The following MOCOS variants were observed in gnomAD, a reference collection of about 807,000 sequenced individuals.
The protein encoded by MOCOS is human molybdenum cofactor sulfurase.
In MOCOS, 86 loss-of-function variants were observed where a neutral mutation model predicts 83.6. The ratio of observed to expected loss-of-function variants is 1.03; its 90% CI spans 0.86 to 1.23. MOCOS has a LOEUF of 1.23. MOCOS is among the 50% of genes most tolerant of loss of function. The probability of loss-of-function intolerance (pLI) is 0.00; values close to 1 mark genes in which losing one functional copy is unlikely to be tolerated. For synonymous variants in MOCOS, 445 were observed against 434.7 expected, an observed-to-expected ratio of 1.02 and a Z score of -0.29; for missense variants, 1,120 against 1,126.9, an observed-to-expected ratio of 0.99 and a Z score of 0.09.
At chr18:36,264,551 G>T (rs1040800405) in intron 13 of MOCOS, among the ~76,000 whole-genome samples, 1 of 152,130 alleles carries the variant, frequency 6.6e-6, no homozygotes, top group African/African-American at 2.4e-5. Context: ...GCCAGGCCTG[G>T]GCTTGAGTCC....
chr18:36,251,665 G>A (rs1568066791), intron 11 of MOCOS, among the ~76,000 whole-genome samples: 1 of 152,164 alleles, frequency 6.6e-6, no homozygotes, highest in Non-Finnish European at 1.5e-5. Context: ...CCAATCAATG[G>A]CGTGACCTTG....
intron 6 of MOCOS, among the ~76,000 whole-genome samples, chr18:36,207,401 A>G (rs1389580948): frequency 6.6e-6 from 1 of 152,160 alleles, no homozygotes; most frequent in Non-Finnish European, 1.5e-5. Context: ...GGCTAAGCTA[A>G]TTTACATTCC....
chr18:36,213,463 T>A lies in MOCOS; in HGVS notation c.1316T>A (p.Met439Lys). The A allele has an allele frequency of 6.2e-7, 1 of 1,613,722 alleles. No homozygotes were observed. Among genetic ancestry groups the A allele is most frequent in the South Asian group, 1.1e-5 (1 of 91,062 alleles). Residue 439 changes from methionine to lysine, a missense_variant, in exon 7 of 15, where the codon ATG (methionine) becomes AAG (lysine). Coordinates refer to ENST00000261326, the MANE Select transcript of MOCOS (RefSeq NM_017947.4). ...AGGCACCTGGGCATAAGCAACGAGA[T>A]GGTCAGGAAGCATTTTCAGGTTGGT... is the stretch of plus-strand genomic sequence containing the variant. ...CQRHLGISNE[M>K]VRKHFQAGHV...
intron 9 of MOCOS, among the ~76,000 whole-genome samples, chr18:36,223,939 C>T (rs1568057773): frequency 6.6e-6 from 1 of 152,194 alleles, no homozygotes; most frequent in Non-Finnish European, 1.5e-5. Context: ...TCAAGCAATC[C>T]TCCTGCTTCA....
Position 36,215,592 on chromosome 18 carries a change from A to G in MOCOS, c.1412A>G (p.Tyr471Cys). Residue 471 changes from tyrosine to cysteine, a missense_variant, in exon 8 of 15, where the codon TAC becomes TGC. Physicochemically the swap from Tyr to Cys is radical, Grantham distance 194 (BLOSUM62 -2). Transcript: ENST00000261326. ...GGATCTGTGAGGATTTCATTTGGAT[A>G]CATGTCGACGCTGGATGATGTCCAG... ...PTGSVRISFG[Y>C]MSTLDDVQAF... The G allele has an allele frequency of 6.2e-7, 1 of 1,614,182 alleles. No individual in the cohort carries two copies. The highest frequency in any genetic ancestry group is 8.5e-7 in the Non-Finnish European group (1 of 1,180,038).
intron 9 of MOCOS, among the ~76,000 whole-genome samples, chr18:36,248,028 A>G (rs1177164793): frequency 6.6e-6 from 1 of 152,118 alleles, no homozygotes; most frequent in African/African-American, 2.4e-5. Flanking sequence ...GAACCTCAGT[A>G]GTGTTTTCCA....
intron 14 of MOCOS, among the ~76,000 whole-genome samples, chr18:36,267,621 C>G (rs983134668): frequency 6.6e-6 from 1 of 152,102 alleles, no homozygotes; most frequent in Non-Finnish European, 1.5e-5. Context: ...ATAGAAATGG[C>G]CTGCAGAGTA....
At chr18:36,196,053 C>T (rs1334219244) in intron 2 of MOCOS, among the ~76,000 whole-genome samples, 1 of 152,150 alleles carries the variant, frequency 6.6e-6, no homozygotes, top group East Asian at 1.9e-4. Context: ...TTTCAGGAAC[C>T]AGTCCAGGAA....
chr18:36,211,673 AGG>A, intron 6 of MOCOS, among the ~76,000 whole-genome samples: 1 of 152,088 alleles, frequency 6.6e-6, no homozygotes, highest in Non-Finnish European at 1.5e-5. Context: ...CCCAGGGCTG[AGG>A]GCAAGAAGAG....
chr18:36,208,642 T>G (rs2091443077), intron 6 of MOCOS, among the ~76,000 whole-genome samples: 2 of 152,258 alleles, frequency 1.3e-5, no homozygotes, highest in South Asian at 4.1e-4. Context: ...GCATTGATTT[T>G]GTATCCTGAA....
chr18:36,200,473 G>C, intron 4 of MOCOS, 149 bp downstream of exon 4: 1 of 1,012,616 alleles, frequency 9.9e-7, no homozygotes. Flanking sequence ...GCAGGGCTCA[G>C]ATCTGGGAGG....
chr18:36,268,665 C>G lies in MOCOS; in HGVS notation c.2647C>G (p.His883Asp), dbSNP rs781288773. 1 of 1,611,944 alleles carries G rather than the reference C, an allele frequency of 6.2e-7. No individual in the cohort carries two copies. The highest frequency in any genetic ancestry group is 1.1e-5 in the South Asian group (1 of 90,970). Residue 883 changes from histidine (H) to aspartate (D), a missense_variant, in exon 15 of 15, where the codon CAC becomes GAC. Transcript: ENST00000261326. The part of the protein sequence containing the change: ...EGHDLPASEK[H>D]QDVTS Reference sequence around the variant, plus strand: ...TCATGATTTACCTGCATCTGAGAAACACCAGGATGTTACCTCCTAAAAAAA... The same window carrying G: ...TCATGATTTACCTGCATCTGAGAAAGACCAGGATGTTACCTCCTAAAAAAA...
rs144053760 is a variant in MOCOS, at chr18:36,197,002, G to A, written c.232+1656G>A. 8.1e-4 allele frequency among the ~76,000 whole-genome samples: 123 copies of A among 152,270 alleles called. 1 individual carries two copies. The highest frequency in any genetic ancestry group is 3.0e-3 in the African/African-American group (123 of 41,564). On this transcript the variant is annotated intron_variant, in intron 2 of 14. Transcript: ENST00000261326. ...TCAGGCCCTACCAAAGCCTGTCTGG[G>A]GGTTAAGTTTGAGGGAGGTCATGAT...
intron 13 of MOCOS, among the ~76,000 whole-genome samples, chr18:36,262,048 T>C (rs1452996548): frequency 2.0e-5 from 3 of 152,176 alleles, no homozygotes; most frequent in Non-Finnish European, 4.4e-5. Flanking sequence ...GGAACCTTTC[T>C]GAGATGACTT....
At chr18:36,244,354 A>G (rs1228428683) in intron 9 of MOCOS, among the ~76,000 whole-genome samples, 1 of 152,128 alleles carries the variant, frequency 6.6e-6, no homozygotes, top group Non-Finnish European at 1.5e-5. Context: ...GAATTTTTTA[A>G]ATTCCATCTT....
intron 13 of MOCOS, among the ~76,000 whole-genome samples, chr18:36,262,760 G>A (rs2091668425): frequency 6.6e-6 from 1 of 152,206 alleles, no homozygotes; most frequent in South Asian, 2.1e-4. Flanking sequence ...CAGCCTCCCA[G>A]TGTTGGGATT....
intron 9 of MOCOS, among the ~76,000 whole-genome samples, chr18:36,230,444 A>G (rs1295072722): frequency 1.3e-5 from 2 of 152,146 alleles, no homozygotes; most frequent in Non-Finnish European, 2.9e-5. Flanking sequence ...TGGCCTCATA[A>G]AAGAAGACCC....
At chr18:36,244,946 C>T (rs1473330763) in intron 9 of MOCOS, among the ~76,000 whole-genome samples, 2 of 152,092 alleles carry the variant, frequency 1.3e-5, no homozygotes, top group Non-Finnish European at 2.9e-5. Context: ...AATAGCTACT[C>T]CTGCTCACTT....
At chr18:36,252,568 T>A (rs1398690711) in intron 11 of MOCOS, among the ~76,000 whole-genome samples, 2 of 151,552 alleles carry the variant, frequency 1.3e-5, no homozygotes, top group African/African-American at 4.9e-5. Context: ...AAAAAAAAAT[T>A]TAAAAAATTG....
Sources: gnomAD v4.1 joint callset for allele counts (sites outside exome capture counted in the v4.1 genomes callset) on GRCh38, gnomAD v4.1.1 for gene constraint, MANE v1.5 for transcripts, NCBI Gene and HGNC (gene_info 2026-07-23, HGNC 2026-07-21) for gene names.